CACNA1A: variants seen among roughly 807,000 people sequenced by gnomAD.
CACNA1A encodes the protein calcium voltage-gated channel subunit alpha1 A.
CACNA1A carries 57 observed loss-of-function variants against 262.4 expected under a neutral mutation model. The ratio of observed to expected loss-of-function variants is 0.22; its 90% CI spans 0.18 to 0.27. CACNA1A has a LOEUF of 0.27. CACNA1A is among the 10% of genes least tolerant of loss of function. The probability of loss-of-function intolerance (pLI) is 1.00; values close to 1 mark genes in which losing one functional copy is unlikely to be tolerated. For synonymous variants in CACNA1A, 1,431 were observed against 1,419.3 expected (o/e 1.01, Z -0.18); for missense variants, 2,526 against 3,562.8 (o/e 0.71, Z 7.41).
chr19:13,457,893 A>G (rs1159401935), intron 1 of CACNA1A, among the ~76,000 whole-genome samples: 4 of 151,892 alleles, frequency 2.6e-5, no homozygotes, highest in Non-Finnish European at 4.4e-5. Flanking sequence ...CTGATACATG[A>G]TAGAACAGGA....
intron 19 of CACNA1A, among the ~76,000 whole-genome samples, chr19:13,289,710 G>A (rs1410739043): frequency 2.6e-5 from 4 of 152,038 alleles, no homozygotes; most frequent in South Asian, 4.1e-4. Flanking sequence ...GAGAGTCACC[G>A]AGGATTATTC....
At chr19:13,350,487 CTGGAAG>C (rs1325928142) in intron 6 of CACNA1A, among the ~76,000 whole-genome samples, 2 of 152,178 alleles carry the variant, frequency 1.3e-5, no homozygotes, top group Non-Finnish European at 1.5e-5. Context: ...CTTACTTTCA[CTGGAAG>C]TGGAACATTT....
intron 3 of CACNA1A, among the ~76,000 whole-genome samples, chr19:13,438,846 A>G (rs1350551926): frequency 6.6e-6 from 1 of 152,216 alleles, no homozygotes; most frequent in Admixed American, 6.5e-5. Flanking sequence ...GAGTTTTAAA[A>G]TAAAATATCC....
At chr19:13,249,048 A>G (rs1051468944) in intron 30 of CACNA1A, among the ~76,000 whole-genome samples, 4 of 152,190 alleles carry the variant, frequency 2.6e-5, no homozygotes, top group Non-Finnish European at 5.9e-5. Flanking sequence ...AGCTCACTGC[A>G]GCCTTGAACT....
intron 3 of CACNA1A, among the ~76,000 whole-genome samples, chr19:13,402,755 CACACATATATATACATATAT>C (rs2059918820): frequency 1.4e-5 from 2 of 140,658 alleles, no homozygotes; most frequent in Admixed American, 1.5e-4. Context: ...CATATATATA[CACACATATATATACATATAT>C]ATACATATAT....
At chr19:13,497,982 C>T (rs1981892213) in intron 1 of CACNA1A, among the ~76,000 whole-genome samples, 1 of 151,740 alleles carries the variant, frequency 6.6e-6, no homozygotes, top group African/African-American at 2.4e-5. Flanking sequence ...TATCACCTTC[C>T]CTCCTCTTTT....
chr19:13,207,492 T>G lies in CACNA1A; in HGVS notation c.7342A>C (p.Thr2448Pro). The change falls in exon 47 of 47, where the codon ACC (threonine) becomes CCC (proline). Residue 2448 changes from threonine to proline, a missense_variant. By Grantham distance (38) the Thr-to-Pro change is conservative (BLOSUM62 -1). Coordinates refer to ENST00000360228, the MANE Select transcript of CACNA1A (RefSeq NM_001127222.2). The surrounding 1 kb of genome is among the most constrained non-coding windows in gnomAD (Gnocchi z 5.7). The stretch of plus-strand genomic sequence containing the variant: ...CGGGGAGTCCTGGGCGAGCGCCCGG[T>G]GGCGCCCGAGGACGCGTGTCGTACG... ...PPVRHASSGA[T>P]GRSPRTPRAS... The G allele has an allele frequency of 7.0e-7, 1 of 1,425,438 alleles. No individual in the cohort carries two copies. Among genetic ancestry groups the G allele is most frequent in the Non-Finnish European group, 9.1e-7 (1 of 1,096,032 alleles). The allele number at this position is 1,425,438 out of a possible 1,614,324, so 88.3% of individuals were successfully genotyped here. A position where few individuals can be genotyped will look rare whatever the true frequency, so the allele number is the denominator to read the frequency against.
chr19:13,478,870 T>C (rs1361314568), intron 1 of CACNA1A, among the ~76,000 whole-genome samples: 2 of 152,212 alleles, frequency 1.3e-5, no homozygotes, highest in Non-Finnish European at 2.9e-5. Flanking sequence ...GCTGTTCTAG[T>C]CCACATTGGT....
At chr19:13,330,472 T>C in intron 9 of CACNA1A, 139 bp from the exon 10 acceptor site, 1 of 702,364 alleles carries the variant, frequency 1.4e-6, no homozygotes. Flanking sequence ...ATTTTTCAGA[T>C]GTGTAAACTG....
chr19:13,324,213 G>A (rs1195539609), intron 10 of CACNA1A, among the ~76,000 whole-genome samples: 1 of 152,192 alleles, frequency 6.6e-6, no homozygotes, highest in Non-Finnish European at 1.5e-5. Flanking sequence ...AGAGCAGGAA[G>A]GTGGTTCCTG....
At chr19:13,397,954 G>A (rs1490140053) in intron 3 of CACNA1A, among the ~76,000 whole-genome samples, 1 of 152,056 alleles carries the variant, frequency 6.6e-6, no homozygotes, top group Non-Finnish European at 1.5e-5. Flanking sequence ...AGAGGTGCCT[G>A]CTGTTTAAGA....
intron 19 of CACNA1A, among the ~76,000 whole-genome samples, chr19:13,292,584 G>C (rs988106978): frequency 3.9e-5 from 6 of 151,944 alleles, no homozygotes; most frequent in African/African-American, 1.5e-4. Flanking sequence ...ACTGTACTCC[G>C]GGGCCTGGAT....
At chr19:13,382,172 C>T (rs1425030245) in intron 3 of CACNA1A, among the ~76,000 whole-genome samples, 2 of 152,088 alleles carry the variant, frequency 1.3e-5, no homozygotes, top group Non-Finnish European at 2.9e-5. Context: ...CCTCTGACCC[C>T]AGGGATAGAG....
At chr19:13,224,958 A>G in intron 37 of CACNA1A, 186 bp from the exon 38 acceptor site, 1 of 552,692 alleles carries the variant, frequency 1.8e-6, no homozygotes, top group Non-Finnish European at 3.2e-6. Context: ...GGGAGGGCAC[A>G]AAAGGCTCTC....
intron 3 of CACNA1A, among the ~76,000 whole-genome samples, chr19:13,417,333 G>A (rs1407738396): frequency 6.6e-6 from 1 of 152,210 alleles, no homozygotes; most frequent in African/African-American, 2.4e-5. Flanking sequence ...CAGGAACAGG[G>A]AGGGAAGGCT....
intron 6 of CACNA1A, among the ~76,000 whole-genome samples, chr19:13,346,655 TA>T (rs2058786991): frequency 8.5e-4 from 5 of 5,908 alleles, no homozygotes; most frequent in Admixed American, 6.3e-3. Flanking sequence ...TATATATATA[TA>T]TATATATATA....
intron 3 of CACNA1A, among the ~76,000 whole-genome samples, chr19:13,416,453 G>A (rs1371383201): frequency 2.6e-5 from 4 of 151,976 alleles, no homozygotes; most frequent in East Asian, 1.9e-4. Context: ...AGGCCGAGGC[G>A]GTGGATCACC....
chr19:13,329,793 T>C (rs2058435677), intron 10 of CACNA1A, among the ~76,000 whole-genome samples: 1 of 149,600 alleles, frequency 6.7e-6, no homozygotes. Context: ...CTTTTTTTTT[T>C]TTTCTGTGCC....
intron 43 of CACNA1A, 186 bp from the exon 44 acceptor site, chr19:13,210,838 G>A: frequency 1.5e-6 from 1 of 662,636 alleles, no homozygotes; most frequent in Non-Finnish European, 2.7e-6. Context: ...CCTGGCGGGT[G>A]GGTGTCCCAG....
Sources: allele counts gnomAD v4.1 joint callset (sites outside exome capture counted in the v4.1 genomes callset), GRCh38; gene constraint gnomAD v4.1.1; non-coding constraint Gnocchi (gnomAD v3.1); transcripts MANE v1.5; gene names NCBI Gene and HGNC (gene_info 2026-07-23, HGNC 2026-07-21).